The following ATXN10 variants were observed in gnomAD, a reference collection of about 807,000 sequenced individuals.
The protein encoded by ATXN10 is ataxin-10.
In ATXN10, 28 loss-of-function variants were observed where a neutral mutation model predicts 52.9. The ratio of observed to expected loss-of-function variants is 0.53; its 90% confidence interval spans 0.39 to 0.73. ATXN10 has a LOEUF of 0.73. ATXN10 is among the 30% of genes least tolerant of loss of function. The probability of loss-of-function intolerance (pLI) is 0.00; values close to 1 mark genes in which losing one functional copy is unlikely to be tolerated. For synonymous variants in ATXN10, 226 were observed against 221.5 expected, an observed-to-expected ratio of 1.02 and a Z score of -0.18; for missense variants, 565 against 577.0, an observed-to-expected ratio of 0.98 and a Z score of 0.21.
intron 10 of ATXN10, among the ~76,000 whole-genome samples, chr22:45,807,269 A>G (rs919625222): frequency 2.0e-5 from 3 of 152,184 alleles, no homozygotes; most frequent in African/African-American, 7.2e-5. Context: ...GCCAAAAAGC[A>G]CTTTAAAACC....
At chr22:45,768,206 T>C (rs1447207371) in intron 9 of ATXN10, among the ~76,000 whole-genome samples, 1 of 152,162 alleles carries the variant, frequency 6.6e-6, no homozygotes, top group Non-Finnish European at 1.5e-5. Flanking sequence ...TTTTTCTCTA[T>C]AAGGAACCAG....
chr22:45,791,199 T>C (rs1270263166), intron 9 of ATXN10, among the ~76,000 whole-genome samples: 1 of 152,246 alleles, frequency 6.6e-6, no homozygotes. Flanking sequence ...ATTCTTTTGT[T>C]GTTTCTGTTC....
chr22:45,811,273 T>G (rs911488311), intron 10 of ATXN10, among the ~76,000 whole-genome samples: 2 of 152,190 alleles, frequency 1.3e-5, no homozygotes, highest in Non-Finnish European at 2.9e-5. Flanking sequence ...AAAAATGATT[T>G]TCTGCCTAAT....
chr22:45,823,480 A>T lies in ATXN10; in HGVS notation c.1237+16458A>T, dbSNP rs1051421581. On this transcript the variant is annotated intron_variant, in intron 10 of 11. Coordinates refer to ENST00000252934, the MANE Select transcript of ATXN10 (RefSeq NM_013236.4). This position sits in a 1 kb window ranked among gnomAD's most constrained non-coding sequence, Gnocchi z 4.9. ...TGCAGTTGTTTCCGTTTCAGTATTT[A>T]AAAACCTTCATTTCACCCTTGGCTC... 1.2e-4 allele frequency among the ~76,000 whole-genome samples: 19 copies of T among 152,094 alleles called. No individual in the cohort carries two copies. Among genetic ancestry groups the T allele is most frequent in the East Asian group, 1.9e-4 (1 of 5,188 alleles).
In ATXN10 at chr22:45,693,133, C is replaced by T. The variant is rs560481057; in HGVS notation, c.391+55C>T. 19 of 1,433,292 alleles carry T rather than the reference C, an allele frequency of 1.3e-5. No homozygotes were observed. The South Asian group carries it at 2.1e-4, about 16-fold the overall frequency. The allele number at this position is 1,433,292 out of a possible 1,614,324, so 88.8% of individuals were successfully genotyped here. ...TATATCTTTATAAAGGGTTCAAAAC[C>T]AGTACTTTGAGTATTAACATCATTC... On this transcript the variant is annotated intron_variant, in intron 3 of 11. Coordinates refer to ENST00000252934, the MANE Select transcript of ATXN10 (RefSeq NM_013236.4).
chr22:45,734,708 T>C (rs1925222986), intron 7 of ATXN10, among the ~76,000 whole-genome samples: 1 of 151,686 alleles, frequency 6.6e-6, no homozygotes, highest in African/African-American at 2.4e-5. Flanking sequence ...GAGTGAGTTA[T>C]GGATCCAAAT....
chr22:45,738,954 A>G lies in ATXN10; in HGVS notation c.1003+115A>G, dbSNP rs147730503. 396 of 998,996 alleles carry G rather than the reference A, an allele frequency of 4.0e-4. No homozygotes were observed. The East Asian group carries it at 7.7e-3, about 19-fold the overall frequency. The allele number at this position is 998,996 out of a possible 1,614,324, so 61.9% of individuals were successfully genotyped here. On this transcript the variant is annotated intron_variant, in intron 8 of 11. Coordinates refer to ENST00000252934, the MANE Select transcript of ATXN10 (RefSeq NM_013236.4). ...TCAGTGTACTTTGGGAATTTTGTGA[A>G]TATATTTTTTTGAGAGGAATCACAG...
At chr22:45,743,971 T>A (rs942255184) in intron 9 of ATXN10, among the ~76,000 whole-genome samples, 1 of 152,066 alleles carries the variant, frequency 6.6e-6, no homozygotes, top group Non-Finnish European at 1.5e-5. Context: ...CCTGCAGGAC[T>A]TCAGGCTGGA....
At position 45,790,280 on chromosome 22, in the gene ATXN10, G is replaced by A. The variant is rs1007998500; in HGVS notation, c.1174-16679G>A. On this transcript the variant is annotated intron_variant, in intron 9 of 11. Coordinates refer to ENST00000252934, the MANE Select transcript of ATXN10 (RefSeq NM_013236.4). The surrounding 1 kb of genome is among the most constrained non-coding windows in gnomAD (Gnocchi z 4.7). ...TGGACTGTCTCTTGCCGGAATGTGT[G>A]TGGTTCTTTCAGGAACACCCAATAC... 2.0e-5 allele frequency among the ~76,000 whole-genome samples: 3 copies of A among 152,090 alleles called. No individual in the cohort carries two copies. Among genetic ancestry groups the A allele is most frequent in the Non-Finnish European group, 4.4e-5 (3 of 68,020 alleles).
chr22:45,780,714 A>T lies in ATXN10; in HGVS notation c.1174-26245A>T, dbSNP rs552903925. Among the ~76,000 whole-genome samples the T allele has an allele frequency of 2.0e-5, 3 of 152,342 alleles. No homozygotes were observed. The South Asian group carries it at 6.2e-4, about 32-fold the overall frequency. On this transcript the variant is annotated intron_variant, in intron 9 of 11. Coordinates refer to ENST00000252934, the MANE Select transcript of ATXN10 (RefSeq NM_013236.4). This position sits in a 1 kb window ranked among gnomAD's most constrained non-coding sequence, Gnocchi z 4.0. The stretch of plus-strand genomic sequence containing the variant: ...CTAATCTTCTGAAATTTAAACCTGG[A>T]TCAGTGACTTGTGTCTTCATTTGCT...
chr22:45,729,114 G>A (rs1304259187), intron 6 of ATXN10, among the ~76,000 whole-genome samples: 1 of 152,186 alleles, frequency 6.6e-6, no homozygotes, highest in Non-Finnish European at 1.5e-5. Flanking sequence ...TGCTAGTGTC[G>A]TCGATGTGTT....
At chr22:45,804,797 C>T (rs998978585) in intron 9 of ATXN10, among the ~76,000 whole-genome samples, 5 of 152,162 alleles carry the variant, frequency 3.3e-5, no homozygotes, top group African/African-American at 1.2e-4. Context: ...CACAGAGTCT[C>T]CATTCCTGTT....
At chr22:45,692,555 T>G (rs1326926323) in intron 2 of ATXN10, among the ~76,000 whole-genome samples, 1 of 152,248 alleles carries the variant, frequency 6.6e-6, no homozygotes, top group Non-Finnish European at 1.5e-5. Flanking sequence ...AAGGCCAGTA[T>G]TTCTGAGCCA....
Position 45,763,397 on chromosome 22 carries a change from G to A in ATXN10, c.1173+22859G>A, listed in dbSNP as rs911747819. Among the ~76,000 whole-genome samples the A allele has an allele frequency of 6.6e-6, 1 of 152,184 alleles. No homozygotes were observed. Among genetic ancestry groups the A allele is most frequent in the African/African-American group, 2.4e-5 (1 of 41,434 alleles). On this transcript the variant is annotated intron_variant, in intron 9 of 11. Coordinates refer to ENST00000252934, the MANE Select transcript of ATXN10 (RefSeq NM_013236.4). This position sits in a 1 kb window ranked among gnomAD's most constrained non-coding sequence, Gnocchi z 6.9. ...GAAAGGCCTTTGAGTTCAAGCTGAG[G>A]CCTTTGGACTTGGCCCCTCGCTCGC...
chr22:45,723,224 C>T (rs1924730058), intron 6 of ATXN10, among the ~76,000 whole-genome samples: 1 of 151,516 alleles, frequency 6.6e-6, no homozygotes, highest in Admixed American at 6.6e-5. Flanking sequence ...ATAGGTATAT[C>T]TATATTTTAT....
Position 45,696,835 on chromosome 22 carries a change from G to A in ATXN10, c.392-3447G>A, listed in dbSNP as rs1337160337. Among the ~76,000 whole-genome samples, 1 of 152,106 alleles carries A rather than the reference G, an allele frequency of 6.6e-6. No individual in the cohort carries two copies. Among genetic ancestry groups the A allele is most frequent in the Non-Finnish European group, 1.5e-5 (1 of 68,024 alleles). ...TAGATGACCTAAGAAAAAATTTAAC[G>A]GAGCAGATATCTGAAACTACTTTTA... is the stretch of plus-strand genomic sequence containing the variant. On this transcript the variant is annotated intron_variant, in intron 3 of 11. Coordinates refer to ENST00000252934, the MANE Select transcript of ATXN10 (RefSeq NM_013236.4). This position sits in a 1 kb window ranked among gnomAD's most constrained non-coding sequence, Gnocchi z 4.7.
At position 45,775,569 on chromosome 22, in the gene ATXN10, T is replaced by C. The variant is rs1374026551; in HGVS notation, c.1174-31390T>C. Among the ~76,000 whole-genome samples, 1 of 152,208 alleles carries C rather than the reference T, an allele frequency of 6.6e-6. No individual in the cohort carries two copies. The highest frequency in any genetic ancestry group is 1.5e-5 in the Non-Finnish European group (1 of 68,050). On this transcript the variant is annotated intron_variant, in intron 9 of 11. Transcript: ENST00000252934. The surrounding 1 kb of genome is among the most constrained non-coding windows in gnomAD (Gnocchi z 4.7). ...AAAATGCAGTTAATATTGGAAAATA[T>C]GGTTAGAATTAGGTGACTGCCAAAC...
At position 45,820,902 on chromosome 22, in the gene ATXN10, A is replaced by G. The variant is rs1309213639; in HGVS notation, c.1237+13880A>G. Among the ~76,000 whole-genome samples, 1 of 152,218 alleles carries G rather than the reference A, an allele frequency of 6.6e-6. No homozygotes were observed. The highest frequency in any genetic ancestry group is 1.5e-5 in the Non-Finnish European group (1 of 68,042). ...CTCAGTGGTGGACAGAAGCCAGGGA[A>G]AAGCACGAATAGAAATGGTTCGAGT... On this transcript the variant is annotated intron_variant, in intron 10 of 11. Transcript: ENST00000252934. The surrounding 1 kb of genome is among the most constrained non-coding windows in gnomAD (Gnocchi z 4.9).
At chr22:45,714,797 A>G (rs1019116146) in intron 5 of ATXN10, among the ~76,000 whole-genome samples, 1 of 152,188 alleles carries the variant, frequency 6.6e-6, no homozygotes, top group African/African-American at 2.4e-5. Flanking sequence ...TTCCTCTACC[A>G]AGGCTTTCTT....
Sources: allele counts gnomAD v4.1 joint callset (sites outside exome capture counted in the v4.1 genomes callset), GRCh38; gene constraint gnomAD v4.1.1; non-coding constraint Gnocchi (gnomAD v3.1); transcripts MANE v1.5; gene names NCBI Gene and HGNC (gene_info 2026-07-23, HGNC 2026-07-21).